FAM187B: variants seen among roughly 807,000 people sequenced by gnomAD.
FAM187B encodes the protein family with sequence similarity 187 member B.
Under a neutral mutation model 22.6 loss-of-function variants are expected in FAM187B, and 22 were observed. The ratio of observed to expected loss-of-function variants is 0.97; its 90% CI spans 0.70 to 1.39. The LOEUF (loss-of-function observed/expected upper bound fraction) is 1.39, where lower values mean the gene tolerates loss of function less well. Ranked by LOEUF, FAM187B falls within the 40% of genes most tolerant of loss-of-function variation. The probability of loss-of-function intolerance (pLI) is 0.00; values close to 1 mark genes in which losing one functional copy is unlikely to be tolerated. For missense variants in FAM187B, 433 were observed against 462.1 expected (o/e 0.94, Z 0.58); for synonymous variants, 192 against 201.8 (o/e 0.95, Z 0.41).
intron 1 of FAM187B, among the ~76,000 whole-genome samples, chr19:35,227,485 G>A (rs1353865933): frequency 6.6e-6 from 1 of 152,222 alleles, no homozygotes; most frequent in Non-Finnish European, 1.5e-5. Flanking sequence ...CTCCCAAAGT[G>A]CTGGGATTAC....
At position 35,227,956 on chromosome 19, in the gene FAM187B, C is replaced by T. The variant is rs776431766; in HGVS notation, c.722+3G>A. On this transcript the variant is annotated splice_donor_region_variant and intron_variant, in intron 1 of 1. Transcript: ENST00000324675. ...TAGGGGCCAGAGGCAGGGATTCCATCACCTGTACATGGATCCTAAGGGACA... is the reference window on the plus strand; with the variant it reads ...TAGGGGCCAGAGGCAGGGATTCCATTACCTGTACATGGATCCTAAGGGACA... 6.3e-7 allele frequency: 1 copy of T among 1,595,054 alleles called. No individual in the cohort carries two copies. The highest frequency in any genetic ancestry group is 2.2e-5 in the East Asian group (1 of 44,618).
At chr19:35,225,349 G>A in intron 1 of FAM187B, 137 bp from the exon 2 acceptor site, 1 of 1,125,338 alleles carries the variant, frequency 8.9e-7, no homozygotes, top group Non-Finnish European at 1.2e-6. Flanking sequence ...CGTCAACAGT[G>A]GGGTGGAGGA....
Position 35,225,026 on chromosome 19 carries a change from C to A in FAM187B, c.909G>T (p.Glu303Asp). 1 of 1,613,692 alleles carries A rather than the reference C, an allele frequency of 6.2e-7. No individual in the cohort carries two copies. Residue 303 changes from glutamate to aspartate, a missense_variant, in exon 2 of 2, where the codon GAG becomes GAT. Glu to Asp is a conservative substitution (Grantham distance 45). Transcript: ENST00000324675. ...TCTCTCTCCACTGAGCCTCCAGCGT[C>A]TCCAGACTGGCGGCGGGTTTGAACT... is the stretch of plus-strand genomic sequence containing the variant. ...VAQFKPAASL[E>D]TLEAQWREND...
rs372887957 is a variant in FAM187B at position 35,225,089 on chromosome 19, G to C, written c.846C>G (p.Ala282=). 1.2e-6 allele frequency: 2 copies of C among 1,610,636 alleles called. No homozygotes were observed. Among genetic ancestry groups the C allele is most frequent in the Non-Finnish European group, 1.7e-6 (2 of 1,178,204 alleles). ...GGRQLQVFQP[A]VYKCFVQQEL... ...CCTGCTGCACGAAGCACTTGTAGAC[G>C]GCCGGCTGGAAAACCTGCAGCTGCC... The change falls in exon 2 of 2, where the codon GCC becomes GCG. Residue 282 remains alanine (A), a synonymous_variant. Transcript: ENST00000324675.
intron 1 of FAM187B, 63 bp downstream of exon 1, chr19:35,227,896 T>G: frequency 6.4e-7 from 1 of 1,553,520 alleles, no homozygotes; most frequent in Non-Finnish European, 8.7e-7. Flanking sequence ...CTGCACATAT[T>G]ACCAGGAAGG....
rs564117 is a variant in FAM187B at position 35,228,035 on chromosome 19, C to G, written c.646G>C (p.Val216Leu). The change falls in exon 1 of 2, where the codon GTC (valine) becomes CTC (leucine). Residue 216 changes from valine to leucine, a missense_variant. Val to Leu is a conservative substitution (Grantham distance 32, BLOSUM62 1). Transcript: ENST00000324675. Reference protein sequence around the residue: ...TNNTQLRVDYVIFDNFRLDEK... With the variant: ...TNNTQLRVDYLIFDNFRLDEK... The stretch of plus-strand genomic sequence containing the variant: ...TCGAGCCTGAAGTTGTCAAAAATGA[C>G]GTAATCCACCCTTAACTGTGTGTTA... 1.2e-6 allele frequency: 2 copies of G among 1,613,960 alleles called. No individual in the cohort carries two copies. The highest frequency in any genetic ancestry group is 8.5e-7 in the Non-Finnish European group (1 of 1,179,932).
intron 1 of FAM187B, among the ~76,000 whole-genome samples, chr19:35,226,083 G>A (rs987278631): frequency 1.7e-4 from 26 of 152,292 alleles, no homozygotes; most frequent in African/African-American, 6.3e-4. Flanking sequence ...TGAAATGGCA[G>A]CTTCTCAGAG....
intron 1 of FAM187B, among the ~76,000 whole-genome samples, chr19:35,225,742 G>A (rs557676253): frequency 3.9e-5 from 6 of 152,292 alleles, no homozygotes; most frequent in African/African-American, 7.2e-5. Context: ...GAGCCCAGGA[G>A]GTTGAGGCTG....
intron 1 of FAM187B, among the ~76,000 whole-genome samples, chr19:35,226,742 C>G (rs1326269994): frequency 6.6e-6 from 1 of 152,168 alleles, no homozygotes; most frequent in African/African-American, 2.4e-5. Context: ...GGCAGGCACT[C>G]TACAGTCTTT....
intron 1 of FAM187B, among the ~76,000 whole-genome samples, chr19:35,225,910 C>G (rs1355649391): frequency 6.6e-6 from 1 of 152,122 alleles, no homozygotes; most frequent in Non-Finnish European, 1.5e-5. Flanking sequence ...ATGATTTGTC[C>G]ACCTGCCTTT....
intron 1 of FAM187B, among the ~76,000 whole-genome samples, chr19:35,225,862 T>C (rs999313052): frequency 3.3e-5 from 5 of 152,046 alleles, no homozygotes; most frequent in African/African-American, 1.2e-4. Context: ...TTGTACCTCA[T>C]AAGGTTATTT....
At chr19:35,226,234 T>A (rs2065661320) in intron 1 of FAM187B, among the ~76,000 whole-genome samples, 1 of 151,978 alleles carries the variant, frequency 6.6e-6, no homozygotes, top group Non-Finnish European at 1.5e-5. Context: ...GAGGCCGATG[T>A]GGGAGGATCA....
intron 1 of FAM187B, 79 bp downstream of exon 1, chr19:35,227,880 A>G (rs2065666152): frequency 6.5e-7 from 1 of 1,532,958 alleles, no homozygotes; most frequent in Non-Finnish European, 8.8e-7. Context: ...ACGCCCACTC[A>G]TCCCTCTGCA....
Sources: gnomAD v4.1 joint callset for allele counts (sites outside exome capture counted in the v4.1 genomes callset) on GRCh38, gnomAD v4.1.1 for gene constraint, MANE v1.5 for transcripts, NCBI Gene and HGNC (gene_info 2026-07-23, HGNC 2026-07-21) for gene names.